The following ITGA2 variants were observed in gnomAD, a reference collection of about 807,000 sequenced individuals.
ITGA2 encodes the protein integrin alpha-2.
Under a neutral mutation model 146.3 loss-of-function variants are expected in ITGA2, and 101 were observed. The observed-to-expected ratio is 0.69, with a 90% CI of 0.59 to 0.81. The LOEUF is 0.81. ITGA2 is among the 40% of genes least tolerant of loss of function. ITGA2 has a pLI of 0.00. For missense variants in ITGA2, 1,281 were observed against 1,402.7 expected, an observed-to-expected ratio of 0.91 and a Z score of 1.39; for synonymous variants, 477 against 487.1, an observed-to-expected ratio of 0.98 and a Z score of 0.27.
intron 21 of ITGA2, 65 bp from the exon 22 acceptor site, chr5:53,074,996 T>C: frequency 9.4e-7 from 1 of 1,062,812 alleles, no homozygotes; most frequent in South Asian, 1.3e-5. Context: ...AGAAACATTT[T>C]TTTTTTCACG....
rs772815801 is a variant in ITGA2, at chr5:53,045,011, C to T, written c.306C>T (p.Ser102=). ...TTTTCCCTTTGAAAGCTTCAACAAG[C>T]ATTCCAAATGTTACTGAGATGAAAA... ...CEKLNLQTST[S]IPNVTEMKTN... Residue 102 remains serine, a synonymous_variant, in exon 4 of 30, where the codon AGC becomes AGT. Coordinates refer to ENST00000296585, the MANE Select transcript of ITGA2 (RefSeq NM_002203.4). The T allele has an allele frequency of 1.9e-6, 3 of 1,612,648 alleles. No homozygotes were observed. The highest frequency in any genetic ancestry group is 1.3e-5 in the African/African-American group (1 of 74,876).
chr5:53,084,063 G>GT (rs1746042768), intron 27 of ITGA2, among the ~76,000 whole-genome samples: 1 of 152,064 alleles, frequency 6.6e-6, no homozygotes, highest in African/African-American at 2.4e-5. Context: ...CAATGTCATT[G>GT]TTTTTTTCCA....
chr5:53,075,315 C>G lies in ITGA2; in HGVS notation c.2825+11C>G, dbSNP rs377142623. ...AATTCACTTAACAAGGTAGGTGAAG[C>G]AGTGGGTAACCTGCTATCACTGACA... On this transcript the variant is annotated intron_variant, in intron 23 of 29. Transcript: ENST00000296585. The G allele has an allele frequency of 4.4e-5, 70 of 1,607,352 alleles. No individual in the cohort carries two copies. The highest frequency in any genetic ancestry group is 5.7e-5 in the Non-Finnish European group (67 of 1,174,886).
At chr5:53,008,519 C>T (rs1205324272) in intron 1 of ITGA2, among the ~76,000 whole-genome samples, 2 of 151,812 alleles carry the variant, frequency 1.3e-5, no homozygotes, top group East Asian at 1.9e-4. Flanking sequence ...ATGGAAGTGA[C>T]GCTCATGTAT....
At chr5:53,065,261 G>T in intron 14 of ITGA2, 146 bp downstream of exon 14, 1 of 821,554 alleles carries the variant, frequency 1.2e-6, no homozygotes, top group Non-Finnish European at 2.0e-6. Context: ...AGCCTCTACT[G>T]TGTGCCCAAG....
At chr5:53,034,413 A>C (rs1743386507) in intron 2 of ITGA2, among the ~76,000 whole-genome samples, 1 of 152,092 alleles carries the variant, frequency 6.6e-6, no homozygotes, top group Non-Finnish European at 1.5e-5. Context: ...AACTCAAAAA[A>C]AAAAAAAATC....
At chr5:53,061,243 TG>T (rs1344534363) in intron 12 of ITGA2, among the ~76,000 whole-genome samples, 197 bp downstream of exon 12, 2 of 151,980 alleles carry the variant, frequency 1.3e-5, no homozygotes, top group East Asian at 3.9e-4. Context: ...GACAACTTAC[TG>T]GGAATTTAGC....
chr5:53,024,633 G>T (rs1742853080), intron 1 of ITGA2, among the ~76,000 whole-genome samples: 1 of 152,228 alleles, frequency 6.6e-6, no homozygotes, highest in Non-Finnish European at 1.5e-5. Flanking sequence ...AGAGGGCCAA[G>T]GGAGAGCAGA....
chr5:53,067,038 C>T, intron 15 of ITGA2, 80 bp from the exon 16 acceptor site: 1 of 1,423,992 alleles, frequency 7.0e-7, no homozygotes, highest in Non-Finnish European at 9.8e-7. Flanking sequence ...AATGCTGGTA[C>T]TGGGTCCTCT....
chr5:53,069,078 CAT>C (rs752601621), intron 16 of ITGA2, among the ~76,000 whole-genome samples: 1 of 151,486 alleles, frequency 6.6e-6, no homozygotes, highest in African/African-American at 2.4e-5. Flanking sequence ...TTCAAGGTAA[CAT>C]GTAGAATTCA....
rs1170255049 is a variant in ITGA2, at chr5:53,064,999, A to G, written c.1690A>G (p.Ile564Val). The G allele has an allele frequency of 6.8e-6, 11 of 1,612,968 alleles. No individual in the cohort carries two copies. The East Asian group carries it at 2.2e-4, about 33-fold the overall frequency. The change falls in exon 14 of 30, where the codon ATC (isoleucine) becomes GTC (valine). Residue 564 changes from isoleucine (I) to valine (V), a missense_variant. Physicochemically the swap from Ile to Val is conservative, Grantham distance 29. Coordinates refer to ENST00000296585, the MANE Select transcript of ITGA2 (RefSeq NM_002203.4). ...FGSAIAALSD[I>V]NMDGFNDVIV... ...TTCAGCAATTGCAGCTCTTTCAGAC[A>G]TCAACATGGATGGCTTTAATGATGT...
intron 19 of ITGA2, 37 bp from the exon 20 acceptor site, chr5:53,073,081 G>C: frequency 6.2e-7 from 1 of 1,604,518 alleles, no homozygotes; most frequent in Non-Finnish European, 8.5e-7. Flanking sequence ...TTATTTAACA[G>C]TAATGGCTTT....
rs768036500 is a variant in ITGA2 at position 53,071,953 on chromosome 5, G to T, written c.2251G>T (p.Val751Phe). The change falls in exon 18 of 30, where the codon GTC (valine) becomes TTC (phenylalanine). Residue 751 changes from valine to phenylalanine, a missense_variant. Physicochemically the swap from Val to Phe is conservative, Grantham distance 50 (BLOSUM62 -1). This residue lies in a region of ITGA2 where 475 missense variants were observed against 530.5 expected (regional missense o/e 0.90). Transcript: ENST00000296585. ...IIYIQEPSDV[V>F]NSLDLRVDIS... ...GTATGTTTAGGAGCCCTCTGATGTT[G>T]TCAACTCTTTGGATTTGCGTGTGGA... 6.2e-7 allele frequency: 1 copy of T among 1,612,040 alleles called. No homozygotes were observed. The highest frequency in any genetic ancestry group is 1.7e-5 in the Admixed American group (1 of 59,850).
At chr5:53,037,749 T>G (rs1439549834) in intron 2 of ITGA2, among the ~76,000 whole-genome samples, 3 of 152,196 alleles carry the variant, frequency 2.0e-5, no homozygotes, top group African/African-American at 7.2e-5. Flanking sequence ...GTAGCCTACT[T>G]ATTAATGTGG....
chr5:52,998,736 G>A (rs1340931285), intron 1 of ITGA2, among the ~76,000 whole-genome samples: 1 of 152,088 alleles, frequency 6.6e-6, no homozygotes, highest in Non-Finnish European at 1.5e-5. Flanking sequence ...CTGACTGCAA[G>A]CTGAGAAGAC....
intron 2 of ITGA2, among the ~76,000 whole-genome samples, chr5:53,041,696 A>G (rs1273804830): frequency 6.6e-6 from 1 of 152,182 alleles, no homozygotes; most frequent in Non-Finnish European, 1.5e-5. Context: ...GGAAAAATGA[A>G]TGTCAAATAT....
Position 53,043,404 on chromosome 5 carries a change from A to C in ITGA2, c.295+1183A>C, listed in dbSNP as rs3212669. Reference sequence around the variant, plus strand: ...GGCCTATCTTCTCAATAATACCTTCACATAAAAATAAATTTTAAAGAATAA... The same window carrying C: ...GGCCTATCTTCTCAATAATACCTTCCCATAAAAATAAATTTTAAAGAATAA... On this transcript the variant is annotated intron_variant, in intron 3 of 29. Transcript: ENST00000296585. Among the ~76,000 whole-genome samples, 593 of 152,276 alleles carry C rather than the reference A, an allele frequency of 3.9e-3. 4 individuals are homozygous for C. Among genetic ancestry groups the C allele is most frequent in the Non-Finnish European group, 5.4e-3 (369 of 68,016 alleles).
At chr5:53,015,343 C>T (rs866104768) in intron 1 of ITGA2, among the ~76,000 whole-genome samples, 8 of 152,246 alleles carry the variant, frequency 5.3e-5, no homozygotes, top group South Asian at 2.1e-4. Flanking sequence ...ACCTTAATTT[C>T]GTTGTTTACC....
At chr5:53,010,440 G>T (rs1742068222) in intron 1 of ITGA2, among the ~76,000 whole-genome samples, 1 of 152,090 alleles carries the variant, frequency 6.6e-6, no homozygotes, top group Non-Finnish European at 1.5e-5. Flanking sequence ...TCCAATTGCT[G>T]CCTTTTGAAA....
Sources: gnomAD v4.1 joint callset for allele counts (sites outside exome capture counted in the v4.1 genomes callset) on GRCh38, gnomAD v4.1.1 for gene constraint, gnomAD v4.1.1 regional missense constraint, MANE v1.5 for transcripts, NCBI Gene and HGNC (gene_info 2026-07-23, HGNC 2026-07-21) for gene names.